DAB1: variants seen among roughly 807,000 people sequenced by gnomAD.
The protein encoded by DAB1 is DAB adaptor protein 1, also known as disabled homolog 1.
Under a neutral mutation model 64.6 loss-of-function variants are expected in DAB1, and 15 were observed. That is an observed-to-expected ratio of 0.23 (90% CI 0.16 to 0.36). DAB1 has a LOEUF of 0.36. DAB1 is among the 10% of genes least tolerant of loss of function. DAB1 has a pLI of 1.00. For missense variants in DAB1, 596 were observed against 706.7 expected (o/e 0.84, Z 1.78); for synonymous variants, 235 against 251.9 (o/e 0.93, Z 0.64).
intron 2 of DAB1, among the ~76,000 whole-genome samples, chr1:57,229,632 T>G (rs1398518041): frequency 6.6e-6 from 1 of 152,238 alleles, no homozygotes; most frequent in Non-Finnish European, 1.5e-5. Flanking sequence ...TTGAATTATT[T>G]ATAATTAAAA....
At chr1:58,434,761 T>C (rs902596838) in intron 3 of DAB1, among the ~76,000 whole-genome samples, 2 of 152,202 alleles carry the variant, frequency 1.3e-5, no homozygotes, top group African/African-American at 2.4e-5. Context: ...CCCAAAGATA[T>C]GAGTCACATT....
chr1:58,473,737 C>A, intron 3 of DAB1: 1 of 459,184 alleles, frequency 2.2e-6, no homozygotes. Context: ...TTGTTAGGGA[C>A]TTGATCTTAC....
At chr1:58,166,639 CTATATGTTTTCA>C in intron 4 of DAB1, among the ~76,000 whole-genome samples, 1 of 152,114 alleles carries the variant, frequency 6.6e-6, no homozygotes, top group African/African-American at 2.4e-5. Context: ...ACATGTTTTC[CTATATGTTTTCA>C]TATAGGCAAA....
At chr1:58,444,291 C>T (rs1199153703) in intron 3 of DAB1, among the ~76,000 whole-genome samples, 1 of 152,206 alleles carries the variant, frequency 6.6e-6, no homozygotes, top group East Asian at 1.9e-4. Context: ...ATGTGCCAAA[C>T]TGTTACAAGA....
intron 11 of DAB1, among the ~76,000 whole-genome samples, chr1:57,017,680 C>T (rs1016848757): frequency 6.6e-6 from 1 of 152,186 alleles, no homozygotes; most frequent in Non-Finnish European, 1.5e-5. Context: ...ATGATGTCAA[C>T]AAACAAAATG....
At chr1:57,443,636 C>A (rs1219432058) in intron 7 of DAB1, among the ~76,000 whole-genome samples, 3 of 152,206 alleles carry the variant, frequency 2.0e-5, no homozygotes, top group African/African-American at 7.2e-5. Context: ...ATATTATGAG[C>A]ACACTTGTTA....
intron 5 of DAB1, among the ~76,000 whole-genome samples, chr1:58,107,709 C>T (rs775908975): frequency 1.2e-4 from 18 of 151,888 alleles, no homozygotes; most frequent in Admixed American, 2.6e-4. Flanking sequence ...CTCTGCCTCC[C>T]GGGTTCAAGT....
chr1:57,675,007 G>T (rs183585842), intron 6 of DAB1, among the ~76,000 whole-genome samples: 1 of 152,134 alleles, frequency 6.6e-6, no homozygotes, highest in African/African-American at 2.4e-5. Flanking sequence ...TCACTTCTGG[G>T]TAGGAACAAT....
chr1:57,367,291 A>G (rs1489382527), intron 1 of DAB1, among the ~76,000 whole-genome samples: 2 of 151,926 alleles, frequency 1.3e-5, no homozygotes, highest in Non-Finnish European at 2.9e-5. Context: ...AACAAAAAAA[A>G]GTCACACAAA....
chr1:57,270,717 G>C (rs1047284062), intron 2 of DAB1, among the ~76,000 whole-genome samples: 3 of 152,188 alleles, frequency 2.0e-5, no homozygotes, highest in Non-Finnish European at 4.4e-5. Flanking sequence ...ATGAACACAG[G>C]AGTGTCCTCA....
chr1:57,070,225 C>T (rs747426773), intron 7 of DAB1, among the ~76,000 whole-genome samples: 1 of 152,220 alleles, frequency 6.6e-6, no homozygotes, highest in Non-Finnish European at 1.5e-5. Context: ...GACACACACA[C>T]ACATGCACAC....
At chr1:57,869,759 C>G (rs141746609) in intron 1 of DAB1, among the ~76,000 whole-genome samples, 1 of 152,248 alleles carries the variant, frequency 6.6e-6, no homozygotes, top group East Asian at 1.9e-4. Context: ...TATTACTTCT[C>G]TCAGAACTAG....
At chr1:57,900,217 A>C (rs1644453540) in intron 5 of DAB1, among the ~76,000 whole-genome samples, 1 of 152,168 alleles carries the variant, frequency 6.6e-6, no homozygotes, top group Admixed American at 6.5e-5. Flanking sequence ...CGGCATTGCT[A>C]TTAGGGGAAA....
At chr1:58,338,897 AG>A (rs1368627607) in intron 4 of DAB1, among the ~76,000 whole-genome samples, 1 of 152,248 alleles carries the variant, frequency 6.6e-6, no homozygotes, top group Non-Finnish European at 1.5e-5. Flanking sequence ...AACTGAAAGA[AG>A]CCAGACACAA....
At chr1:58,456,622 T>C (rs1415142303) in intron 3 of DAB1, among the ~76,000 whole-genome samples, 2 of 152,160 alleles carry the variant, frequency 1.3e-5, no homozygotes, top group African/African-American at 4.8e-5. Context: ...TTTTGGCATG[T>C]GTAACTTAGG....
At chr1:57,322,488 T>C (rs866731269) in intron 1 of DAB1, among the ~76,000 whole-genome samples, 2 of 152,114 alleles carry the variant, frequency 1.3e-5, no homozygotes, top group South Asian at 2.1e-4. Flanking sequence ...ACTTACCCCG[T>C]AGACTTTGAC....
At chr1:58,387,417 G>A (rs1644441546) in intron 3 of DAB1, among the ~76,000 whole-genome samples, 1 of 152,204 alleles carries the variant, frequency 6.6e-6, no homozygotes, top group East Asian at 1.9e-4. Flanking sequence ...GAATGGAGGG[G>A]TATAGGAGTG....
intron 2 of DAB1, among the ~76,000 whole-genome samples, chr1:57,239,767 A>G (rs1056813495): frequency 1.3e-5 from 2 of 152,242 alleles, no homozygotes; most frequent in Non-Finnish European, 1.5e-5. Flanking sequence ...AAAAAAAATC[A>G]AAACATTGCA....
chr1:57,891,431 A>AT (rs766662027), intron 5 of DAB1, among the ~76,000 whole-genome samples: 1 of 152,220 alleles, frequency 6.6e-6, no homozygotes, highest in Non-Finnish European at 1.5e-5. Flanking sequence ...TAGTTCAACC[A>AT]TTGTGGAAGA....
Sources: gnomAD v4.1 joint callset for allele counts (sites outside exome capture counted in the v4.1 genomes callset) on GRCh38, gnomAD v4.1.1 for gene constraint, MANE v1.5 for transcripts, NCBI Gene and HGNC (gene_info 2026-07-23, HGNC 2026-07-21) for gene names.